Variants in NRP1 observed in about 807,000 individuals in gnomAD.
NRP1 encodes neuropilin 1.
In NRP1, 35 loss-of-function variants were observed where a neutral mutation model predicts 106.7. The ratio of observed to expected loss-of-function variants is 0.33; its 90% CI spans 0.25 to 0.43. NRP1 has a LOEUF of 0.43. Ranked by LOEUF, NRP1 falls within the 20% of genes least tolerant of loss-of-function variation. The probability of loss-of-function intolerance (pLI) is 1.00; values close to 1 mark genes in which losing one functional copy is unlikely to be tolerated. For missense variants in NRP1, 1,024 were observed against 1,170.4 expected, an observed-to-expected ratio of 0.87 and a Z score of 1.83; for synonymous variants, 437 against 417.9, an observed-to-expected ratio of 1.05 and a Z score of -0.56.
Position 33,270,870 on chromosome 10 carries a change from A to G in NRP1, c.249-14T>C. 1 of 1,573,156 alleles carries G rather than the reference A, an allele frequency of 6.4e-7. No homozygotes were observed. On this transcript the variant is annotated splice_polypyrimidine_tract_variant and intron_variant, in intron 2 of 16. Coordinates refer to ENST00000374867, the MANE Select transcript of NRP1 (RefSeq NM_003873.7). ...ACGTAGTCATACCTAATACACAAAC[A>G]TGGAAGAAAACATTAGGTTGGTGAG...
At chr10:33,301,456 T>C (rs943103718) in intron 2 of NRP1, among the ~76,000 whole-genome samples, 5 of 152,244 alleles carry the variant, frequency 3.3e-5, no homozygotes, top group African/African-American at 7.2e-5. Flanking sequence ...AGGAGGCTGA[T>C]GCAGAATTCT....
chr10:33,300,563 T>C (rs1406479571), intron 2 of NRP1, among the ~76,000 whole-genome samples: 1 of 151,918 alleles, frequency 6.6e-6, no homozygotes, highest in Non-Finnish European at 1.5e-5. Flanking sequence ...GAAAGGAAAA[T>C]AAATCTTGGG....
At chr10:33,247,307 T>C (rs1260642797) in intron 6 of NRP1, among the ~76,000 whole-genome samples, 2 of 146,502 alleles carry the variant, frequency 1.4e-5, no homozygotes, top group Non-Finnish European at 1.5e-5. Context: ...CCATTTGGTC[T>C]TAAAGGAAGT....
chr10:33,272,980 T>C (rs1843417591), intron 2 of NRP1, among the ~76,000 whole-genome samples: 1 of 151,586 alleles, frequency 6.6e-6, no homozygotes, highest in Non-Finnish European at 1.5e-5. Flanking sequence ...TGCCGGTGGA[T>C]TGCAACAGGG....
chr10:33,281,379 C>CT (rs5784328), intron 2 of NRP1, among the ~76,000 whole-genome samples: 8 of 152,002 alleles, frequency 5.3e-5, no homozygotes, highest in East Asian at 1.9e-4. Context: ...AGTGAACTGA[C>CT]TTTTTTTTTA....
At chr10:33,331,129 G>A (rs1053705414) in intron 1 of NRP1, among the ~76,000 whole-genome samples, 3 of 152,246 alleles carry the variant, frequency 2.0e-5, no homozygotes, top group Admixed American at 1.3e-4. Flanking sequence ...CAGCCCCGAA[G>A]TTTCTTCCTA....
At chr10:33,295,429 C>T (rs1203153889) in intron 2 of NRP1, among the ~76,000 whole-genome samples, 3 of 152,180 alleles carry the variant, frequency 2.0e-5, no homozygotes, top group Non-Finnish European at 4.4e-5. Flanking sequence ...CTTCCCAGAC[C>T]AGGTGCAGTG....
chr10:33,212,978 A>C (rs1047544099), intron 9 of NRP1: 4 of 484,480 alleles, frequency 8.3e-6, no homozygotes, highest in Non-Finnish European at 1.1e-5. Context: ...GCCCACAATA[A>C]AAATTTATAA....
At chr10:33,224,844 C>A (rs555831034) in intron 7 of NRP1, among the ~76,000 whole-genome samples, 9 of 152,252 alleles carry the variant, frequency 5.9e-5, no homozygotes, top group Non-Finnish European at 1.2e-4. Context: ...CCTGAAGTAG[C>A]GCTTATTTTA....
chr10:33,330,926 G>A (rs1848240717), intron 1 of NRP1, 44 bp from the exon 2 acceptor site: 2 of 1,506,376 alleles, frequency 1.3e-6, no homozygotes, highest in South Asian at 2.5e-5. Context: ...CTGACAACCT[G>A]TTAGGTAATC....
chr10:33,211,478 C>T (rs1431472867), intron 9 of NRP1: 1 of 152,032 alleles, frequency 6.6e-6, no homozygotes, highest in Non-Finnish European at 1.5e-5. Context: ...ATGAAAGGGA[C>T]ACAAGAAAAA....
chr10:33,193,068 C>T (rs1360967855), intron 12 of NRP1, among the ~76,000 whole-genome samples: 1 of 151,996 alleles, frequency 6.6e-6, no homozygotes, highest in African/African-American at 2.4e-5. Flanking sequence ...GTTCACCCGG[C>T]TTAAAACCTC....
At position 33,186,398 on chromosome 10, in the gene NRP1, G is replaced by A; in HGVS notation, c.2153C>T (p.Ser718Phe). 1 of 1,614,180 alleles carries A rather than the reference G, an allele frequency of 6.2e-7. No homozygotes were observed. Among genetic ancestry groups the A allele is most frequent in the Non-Finnish European group, 8.5e-7 (1 of 1,180,042 alleles). ...ATACCAGAAGGTCATGCAGTGGGCA[G>A]AGTTCTGGGAATAAACCACAGGGCT... ...LVSPVVYSQN[S>F]AHCMTFWYHM... Residue 718 changes from serine (S) to phenylalanine (F), a missense_variant, in exon 14 of 17, where the codon TCT becomes TTT. By Grantham distance (155) the Ser-to-Phe change is radical. Around this residue, in one of 5 missense-constraint regions of NRP1, gnomAD observed 562 missense variants for 620.3 expected, o/e 0.91. Coordinates refer to ENST00000374867, the MANE Select transcript of NRP1 (RefSeq NM_003873.7).
At chr10:33,182,831 A>C in intron 15 of NRP1, 83 bp from the exon 16 acceptor site, 1 of 876,602 alleles carries the variant, frequency 1.1e-6, no homozygotes, top group Non-Finnish European at 1.9e-6. Context: ...CTTTAGGTAC[A>C]TGCACACACA....
At chr10:33,321,643 T>A (rs1445542225) in intron 2 of NRP1, among the ~76,000 whole-genome samples, 1 of 152,230 alleles carries the variant, frequency 6.6e-6, no homozygotes, top group African/African-American at 2.4e-5. Context: ...CTTAATTCTT[T>A]CCATGCCACT....
intron 2 of NRP1, among the ~76,000 whole-genome samples, chr10:33,322,789 C>T (rs1847612437): frequency 6.6e-6 from 1 of 152,188 alleles, no homozygotes; most frequent in African/African-American, 2.4e-5. Flanking sequence ...AGTCCTTCCT[C>T]AGAATTAGTT....
At chr10:33,233,236 A>G (rs1040992125) in intron 6 of NRP1, among the ~76,000 whole-genome samples, 17 of 152,114 alleles carry the variant, frequency 1.1e-4, no homozygotes, top group Non-Finnish European at 1.6e-4. Flanking sequence ...CGATGTTTGC[A>G]GTTCCTGGGT....
intron 2 of NRP1, among the ~76,000 whole-genome samples, chr10:33,273,510 C>A (rs1843462470): frequency 6.6e-6 from 1 of 152,166 alleles, no homozygotes; most frequent in Admixed American, 6.5e-5. Flanking sequence ...CCTGCATTGG[C>A]CTGAAGCCCA....
At chr10:33,273,475 C>T (rs1843459706) in intron 2 of NRP1, among the ~76,000 whole-genome samples, 2 of 152,166 alleles carry the variant, frequency 1.3e-5, no homozygotes, top group Admixed American at 6.5e-5. Flanking sequence ...AGAGACTAAA[C>T]GTGTCACCAC....
Sources: allele counts gnomAD v4.1 joint callset (sites outside exome capture counted in the v4.1 genomes callset), GRCh38; gene constraint gnomAD v4.1.1; regional missense constraint gnomAD v4.1.1; transcripts MANE v1.5; gene names NCBI Gene and HGNC (gene_info 2026-07-23, HGNC 2026-07-21).